The following LUZP2 variants were observed in gnomAD, a reference collection of about 807,000 sequenced individuals.
LUZP2 encodes leucine zipper protein 2.
A neutral mutation model predicts 51.6 loss-of-function variants in LUZP2; 52 were observed. The ratio of observed to expected loss-of-function variants is 1.01; its 90% CI spans 0.81 to 1.27. The LOEUF (loss-of-function observed/expected upper bound fraction) is 1.27, where lower values mean the gene tolerates loss of function less well. Ranked by LOEUF, LUZP2 falls within the 50% of genes most tolerant of loss-of-function variation. The pLI is 0.00. For missense variants in LUZP2, 436 were observed against 395.4 expected, an observed-to-expected ratio of 1.10 and a Z score of -0.87; for synonymous variants, 154 against 137.3, an observed-to-expected ratio of 1.12 and a Z score of -0.85.
At chr11:24,626,278 A>G (rs1188276784) in intron 1 of LUZP2, among the ~76,000 whole-genome samples, 2 of 152,148 alleles carry the variant, frequency 1.3e-5, no homozygotes, top group Non-Finnish European at 2.9e-5. Flanking sequence ...GGAAGAGCCT[A>G]TATTGTCTCA....
chr11:24,720,191 T>C (rs1160446807), intron 1 of LUZP2, among the ~76,000 whole-genome samples: 2 of 152,098 alleles, frequency 1.3e-5, no homozygotes, highest in African/African-American at 4.8e-5. Context: ...TTCTGAATTC[T>C]CCTCATTCAG....
intron 9 of LUZP2, among the ~76,000 whole-genome samples, chr11:25,028,004 G>A (rs1204461286): frequency 6.6e-6 from 1 of 151,894 alleles, no homozygotes; most frequent in Non-Finnish European, 1.5e-5. Context: ...TCCGTCTATT[G>A]GAACTTGCTA....
chr11:24,659,181 T>A (rs1029203139), intron 1 of LUZP2, among the ~76,000 whole-genome samples: 7 of 152,102 alleles, frequency 4.6e-5, no homozygotes, highest in Admixed American at 6.6e-5. Context: ...CAAATGTCCA[T>A]CAATGATAAA....
At chr11:24,585,154 A>G (rs1343235562) in intron 1 of LUZP2, among the ~76,000 whole-genome samples, 3 of 152,164 alleles carry the variant, frequency 2.0e-5, no homozygotes, top group Non-Finnish European at 4.4e-5. Flanking sequence ...CAAGGACAGC[A>G]TAAACATAGG....
chr11:24,904,191 A>G (rs1286084332), intron 5 of LUZP2, among the ~76,000 whole-genome samples: 1 of 152,070 alleles, frequency 6.6e-6, no homozygotes, highest in Non-Finnish European at 1.5e-5. Flanking sequence ...GTAATATTTC[A>G]TTGCATTTTC....
intron 1 of LUZP2, among the ~76,000 whole-genome samples, chr11:24,607,728 T>C (rs1357877541): frequency 6.6e-6 from 1 of 152,162 alleles, no homozygotes; most frequent in African/African-American, 2.4e-5. Context: ...AGTATGGACT[T>C]TTTCATAGCG....
chr11:24,686,648 C>G (rs1343314289), intron 1 of LUZP2, among the ~76,000 whole-genome samples: 1 of 152,130 alleles, frequency 6.6e-6, no homozygotes, highest in African/African-American at 2.4e-5. Context: ...AAAGGGAATA[C>G]CTACTAATTC....
At chr11:25,019,582 A>C (rs1430984419) in intron 9 of LUZP2, among the ~76,000 whole-genome samples, 1 of 152,152 alleles carries the variant, frequency 6.6e-6, no homozygotes, top group East Asian at 1.9e-4. Context: ...TAAAGTCTGC[A>C]AAGAAAATAT....
rs537891347 is a variant in LUZP2 at position 25,057,008 on chromosome 11, G to C, written c.858+6878G>C. Among the ~76,000 whole-genome samples, 97 of 152,278 alleles carry C rather than the reference G, an allele frequency of 6.4e-4. 1 individual carries two copies. The highest frequency in any genetic ancestry group is 1.0e-3 in the Non-Finnish European group (70 of 68,028). ...CCAGCTACTGGAGAGGCTGAGGCAG[G>C]ACAATCACTTGAACCTGGGAGGCAG... On this transcript the variant is annotated intron_variant, in intron 10 of 11. Coordinates refer to ENST00000336930, the MANE Select transcript of LUZP2 (RefSeq NM_001009909.4).
chr11:24,898,031 C>G (rs1853140545), intron 5 of LUZP2, among the ~76,000 whole-genome samples: 1 of 152,014 alleles, frequency 6.6e-6, no homozygotes, highest in South Asian at 2.1e-4. Context: ...TCAGTTTTAA[C>G]AGATGCCTAG....
chr11:24,577,995 T>C (rs1226497995), intron 1 of LUZP2, among the ~76,000 whole-genome samples: 3 of 152,172 alleles, frequency 2.0e-5, no homozygotes, highest in African/African-American at 7.2e-5. Context: ...TGTACTTCTT[T>C]GTTTCTAAGA....
intron 1 of LUZP2, among the ~76,000 whole-genome samples, chr11:24,712,228 T>G (rs1857855071): frequency 6.6e-6 from 1 of 151,942 alleles, no homozygotes; most frequent in Non-Finnish European, 1.5e-5. Flanking sequence ...CAAGACAAGC[T>G]TGGGCAACAT....
At chr11:25,055,897 C>G (rs569580777) in intron 10 of LUZP2, among the ~76,000 whole-genome samples, 1 of 152,118 alleles carries the variant, frequency 6.6e-6, no homozygotes, top group Non-Finnish European at 1.5e-5. Context: ...CTTAATATAA[C>G]TCATCCAAAG....
chr11:24,963,425 G>A (rs1361584438), intron 7 of LUZP2, among the ~76,000 whole-genome samples: 2 of 152,004 alleles, frequency 1.3e-5, no homozygotes, highest in East Asian at 1.9e-4. Flanking sequence ...CACCCAGTTC[G>A]AGCTTCCCGG....
At chr11:24,803,077 T>C (rs1849739627) in intron 5 of LUZP2, among the ~76,000 whole-genome samples, 1 of 151,526 alleles carries the variant, frequency 6.6e-6, no homozygotes, top group Non-Finnish European at 1.5e-5. Context: ...ATCATCAGAG[T>C]AAAAAAGTAA....
chr11:24,887,539 G>T (rs1220312309), intron 5 of LUZP2, among the ~76,000 whole-genome samples: 2 of 152,180 alleles, frequency 1.3e-5, no homozygotes, highest in African/African-American at 2.4e-5. Context: ...AGGCAAAATG[G>T]TGCCTGTAAG....
At chr11:25,060,490 A>G (rs1489058880) in intron 10 of LUZP2, among the ~76,000 whole-genome samples, 1 of 152,192 alleles carries the variant, frequency 6.6e-6, no homozygotes, top group Non-Finnish European at 1.5e-5. Context: ...TTTTGCGGGG[A>G]CATAAATATT....
At position 24,611,593 on chromosome 11, in the gene LUZP2, T is replaced by A. The variant is rs577482234; in HGVS notation, c.62+114288T>A. 6.6e-6 allele frequency among the ~76,000 whole-genome samples: 1 copy of A among 151,286 alleles called. No homozygotes were observed. Among genetic ancestry groups the A allele is most frequent in the Non-Finnish European group, 1.5e-5 (1 of 67,986 alleles). ...GGAGGCAGTTACTGGAAAGTAAAAA[T>A]GGAACTTACGAGACTATGGAGATGG... On this transcript the variant is annotated intron_variant, in intron 1 of 11. Transcript: ENST00000336930. This position sits in a 1 kb window ranked among gnomAD's most constrained non-coding sequence, Gnocchi z 4.6.
At chr11:25,011,958 A>C (rs753041687) in intron 9 of LUZP2, among the ~76,000 whole-genome samples, 60 of 152,076 alleles carry the variant, frequency 3.9e-4, no homozygotes, top group Non-Finnish European at 8.7e-4. Flanking sequence ...CAAAATGGAG[A>C]TGGTTAATAA....
Sources: allele counts gnomAD v4.1 joint callset (sites outside exome capture counted in the v4.1 genomes callset), GRCh38; gene constraint gnomAD v4.1.1; non-coding constraint Gnocchi (gnomAD v3.1); transcripts MANE v1.5; gene names NCBI Gene and HGNC (gene_info 2026-07-23, HGNC 2026-07-21).